MXI1: variants seen among roughly 807,000 people sequenced by gnomAD.
MXI1 encodes the protein MAX interactor 1, dimerization protein, also known as max-interacting protein 1.
In MXI1, 18 loss-of-function variants were observed where a neutral mutation model predicts 36.9. The observed-to-expected ratio is 0.49, with a 90% CI of 0.34 to 0.72. The LOEUF is 0.72. Among genes scored for constraint, MXI1 ranks in the 30% least tolerant of loss-of-function variants. The pLI is 0.01. For synonymous variants in MXI1, 160 were observed against 146.7 expected (o/e 1.09, Z -0.65); for missense variants, 304 against 379.1 (o/e 0.80, Z 1.64).
At chr10:110,227,231 A>T in intron 1 of MXI1, 2 of 300,432 alleles carry the variant, frequency 6.7e-6, no homozygotes, top group Non-Finnish European at 7.6e-6. Flanking sequence ...CGTGGGAGGG[A>T]TGGTGCGCGG....
intron 3 of MXI1, among the ~76,000 whole-genome samples, chr10:110,276,254 TCAAGTCCA>T (rs562933913): frequency 6.7e-4 from 102 of 152,342 alleles, no homozygotes; most frequent in Non-Finnish European, 1.2e-3. Context: ...TCTATATTAT[TCAAGTCCA>T]AAGTCAAATT....
chr10:110,212,553 T>G (rs1275599517), intron 1 of MXI1, among the ~76,000 whole-genome samples: 2 of 152,214 alleles, frequency 1.3e-5, no homozygotes, highest in Non-Finnish European at 2.9e-5. Flanking sequence ...TTTCAGCCCA[T>G]TTGGCTCTAT....
chr10:110,225,058 A>G (rs1854919884), intron 1 of MXI1, among the ~76,000 whole-genome samples: 1 of 152,214 alleles, frequency 6.6e-6, no homozygotes. Flanking sequence ...CCTAGTATAT[A>G]CTAAGTGCTG....
At chr10:110,247,440 T>C (rs1293750041) in intron 3 of MXI1, among the ~76,000 whole-genome samples, 9 of 152,182 alleles carry the variant, frequency 5.9e-5, no homozygotes, top group Non-Finnish European at 1.5e-5. Flanking sequence ...CTTTTGGTGT[T>C]TTAGACATGA....
chr10:110,255,567 C>T (rs1856258177), intron 3 of MXI1, among the ~76,000 whole-genome samples: 1 of 152,096 alleles, frequency 6.6e-6, no homozygotes, highest in African/African-American at 2.4e-5. Flanking sequence ...TGTACAATAG[C>T]ATCTAAAAGA....
At chr10:110,260,416 GGTGTGTGTGTGTGTGTGTGT>G (rs151334728) in intron 3 of MXI1, among the ~76,000 whole-genome samples, 2 of 144,664 alleles carry the variant, frequency 1.4e-5, no homozygotes, top group Admixed American at 6.9e-5. Context: ...CCTTGATACA[GGTGTGTGTGTGTGTGTGTGT>G]GTGTGTGTGT....
At chr10:110,260,414 CAGGT>C (rs1416971844) in intron 3 of MXI1, among the ~76,000 whole-genome samples, 2 of 110,848 alleles carry the variant, frequency 1.8e-5, no homozygotes, top group Non-Finnish European at 1.8e-5. Context: ...TTCCTTGATA[CAGGT>C]GTGTGTGTGT....
At chr10:110,265,882 A>T (rs1422846212) in intron 3 of MXI1, among the ~76,000 whole-genome samples, 1 of 152,076 alleles carries the variant, frequency 6.6e-6, no homozygotes, top group Non-Finnish European at 1.5e-5. Flanking sequence ...CAGTATGTTT[A>T]AAAGGGCTTT....
chr10:110,221,894 C>T (rs1452303889), intron 1 of MXI1, among the ~76,000 whole-genome samples: 1 of 152,160 alleles, frequency 6.6e-6, no homozygotes. Context: ...GTTGGGATGT[C>T]AGCCGGCAGC....
At chr10:110,272,389 A>G (rs532943825) in intron 3 of MXI1, among the ~76,000 whole-genome samples, 1 of 152,356 alleles carries the variant, frequency 6.6e-6, no homozygotes, top group South Asian at 2.1e-4. Context: ...TTTTAAAAAC[A>G]CATTTTGCAT....
chr10:110,262,499 T>G (rs1167936895), intron 3 of MXI1, among the ~76,000 whole-genome samples: 1 of 152,114 alleles, frequency 6.6e-6, no homozygotes, highest in Non-Finnish European at 1.5e-5. Flanking sequence ...TTTTGTTACT[T>G]CTGGGGAAAG....
At chr10:110,227,334 G>A in intron 1 of MXI1, 2 of 985,104 alleles carry the variant, frequency 2.0e-6, no homozygotes, top group Non-Finnish European at 2.4e-6. Flanking sequence ...GCGTGCGTGG[G>A]GAGGTGTGTG....
At chr10:110,227,727 C>G (rs112927374) in intron 1 of MXI1, 11,164 of 206,604 alleles carry the variant, frequency 0.054, 454 homozygotes, top group Middle Eastern at 0.15. Context: ...CGCAGAAAGA[C>G]CAGGAACTCG....
chr10:110,214,539 A>C (rs1255734638), intron 1 of MXI1, among the ~76,000 whole-genome samples: 1 of 152,060 alleles, frequency 6.6e-6, no homozygotes, highest in Admixed American at 6.6e-5. Flanking sequence ...TTTGAAAAAA[A>C]AACCCAGCCC....
chr10:110,254,726 C>T (rs562007798), intron 3 of MXI1, among the ~76,000 whole-genome samples: 2 of 152,150 alleles, frequency 1.3e-5, no homozygotes, highest in South Asian at 4.1e-4. Flanking sequence ...AGAAACCAGC[C>T]AGAACATTCT....
In MXI1 at chr10:110,207,835, G is replaced by A; in HGVS notation, c.27G>A (p.Lys9=). The A allele has an allele frequency of 8.9e-7, 1 of 1,129,576 alleles. No individual in the cohort carries two copies. The highest frequency in any genetic ancestry group is 1.1e-6 in the Non-Finnish European group (1 of 923,372). 70.0% of individuals were successfully genotyped at this position (1,129,576 alleles called of 1,614,324 possible). Residue 9 remains lysine (K), a synonymous_variant, in exon 1 of 6, where the codon AAG becomes AAA. Coordinates refer to ENST00000332674, the MANE Select transcript of MXI1 (RefSeq NM_130439.3). The part of the protein sequence containing the change: MGKRGRPR[K]EARCEGAGLA... Reference sequence around the variant, plus strand: ...TGGGCAAACGCGGGCGGCCGCGCAAGGAGGCGCGCTGCGAGGGCGCGGGGC... The same window carrying A: ...TGGGCAAACGCGGGCGGCCGCGCAAAGAGGCGCGCTGCGAGGGCGCGGGGC...
At chr10:110,282,593 T>C (rs986190962) in intron 5 of MXI1, among the ~76,000 whole-genome samples, 2 of 152,162 alleles carry the variant, frequency 1.3e-5, no homozygotes, top group Non-Finnish European at 2.9e-5. Context: ...ACCTCCTCCT[T>C]GTACCCACCC....
At chr10:110,277,815 T>C (rs1391869813) in intron 3 of MXI1, among the ~76,000 whole-genome samples, 1 of 152,254 alleles carries the variant, frequency 6.6e-6, no homozygotes, top group Non-Finnish European at 1.5e-5. Context: ...CTGACCTCAC[T>C]ACCCTTAATC....
intron 2 of MXI1, among the ~76,000 whole-genome samples, chr10:110,239,355 T>A (rs555695209): frequency 2.6e-5 from 4 of 152,346 alleles, no homozygotes; most frequent in Admixed American, 1.3e-4. Context: ...AGGTGGAATC[T>A]TGGATCATTG....
Sources: gnomAD v4.1 joint callset for allele counts (sites outside exome capture counted in the v4.1 genomes callset) on GRCh38, gnomAD v4.1.1 for gene constraint, MANE v1.5 for transcripts, NCBI Gene and HGNC (gene_info 2026-07-23, HGNC 2026-07-21) for gene names.